The following DOCK10 variants were observed in gnomAD, a reference collection of about 807,000 sequenced individuals.
DOCK10 encodes dedicator of cytokinesis 10.
DOCK10 carries 145 observed loss-of-function variants against 280.1 expected under a neutral mutation model. The observed-to-expected ratio is 0.52, with a 90% confidence interval of 0.45 to 0.59. The LOEUF (loss-of-function observed/expected upper bound fraction) is 0.59, where lower values mean the gene tolerates loss of function less well. DOCK10 is among the 20% of genes least tolerant of loss of function. The pLI, the probability that DOCK10 is intolerant of heterozygous loss-of-function variation, is 0.00. For missense variants in DOCK10, 2,368 were observed against 2,651.7 expected (o/e 0.89, Z 2.35); for synonymous variants, 915 against 942.2 (o/e 0.97, Z 0.53).
intron 1 of DOCK10, among the ~76,000 whole-genome samples, chr2:225,033,112 C>A (rs1404943595): frequency 6.6e-6 from 1 of 152,084 alleles, no homozygotes; most frequent in Non-Finnish European, 1.5e-5. Context: ...AGGAGGTATG[C>A]TGAAATTGAA....
chr2:224,964,574 A>G (rs925642458), intron 1 of DOCK10, among the ~76,000 whole-genome samples: 1 of 151,688 alleles, frequency 6.6e-6, no homozygotes, highest in African/African-American at 2.4e-5. Context: ...GCATCATTAT[A>G]GCTCACTGCA....
chr2:225,035,646 C>G (rs1690239966), intron 1 of DOCK10, among the ~76,000 whole-genome samples: 2 of 122,058 alleles, frequency 1.6e-5, no homozygotes, highest in East Asian at 2.2e-4. Context: ...CCATAATAAC[C>G]AAAGAATCAG....
chr2:224,985,599 C>G (rs912295822), intron 1 of DOCK10, among the ~76,000 whole-genome samples: 7 of 144,620 alleles, frequency 4.8e-5, no homozygotes, highest in African/African-American at 7.7e-5. Flanking sequence ...AAAAGTAAGG[C>G]ATTTCAAGAG....
intron 27 of DOCK10, among the ~76,000 whole-genome samples, chr2:224,827,695 G>A (rs1559502409): frequency 6.6e-6 from 1 of 152,180 alleles, no homozygotes; most frequent in Admixed American, 6.5e-5. Context: ...AGAGAGATAC[G>A]AACCATTTTT....
chr2:224,913,339 A>T (rs181326166), intron 3 of DOCK10, among the ~76,000 whole-genome samples: 6 of 152,228 alleles, frequency 3.9e-5, no homozygotes, highest in Admixed American at 3.9e-4. Flanking sequence ...TTCCATGACT[A>T]CTAGTGAGGC....
In DOCK10 at chr2:224,819,428, C is replaced by G. The variant is rs753387101; in HGVS notation, c.3267+18G>C. On this transcript the variant is annotated intron_variant, in intron 29 of 55. Transcript: ENST00000258390. ...TGCCATAGTTTAGAAAACAATCACT[C>G]CTGTACGTGGTTCTTACCTTAAGGT... 2.0e-6 allele frequency: 3 copies of G among 1,531,174 alleles called. No individual in the cohort carries two copies. The South Asian group carries it at 3.5e-5, about 18-fold the overall frequency. The allele number at this position is 1,531,174 out of a possible 1,614,324, so 94.8% of individuals were successfully genotyped here.
chr2:225,016,784 C>T (rs1689618710), intron 1 of DOCK10, among the ~76,000 whole-genome samples: 1 of 151,356 alleles, frequency 6.6e-6, no homozygotes, highest in African/African-American at 2.4e-5. Flanking sequence ...CTCACTGCAA[C>T]CTCCGCCTCC....
chr2:224,932,351 C>A (rs1026594383), intron 1 of DOCK10, among the ~76,000 whole-genome samples: 2 of 152,098 alleles, frequency 1.3e-5, no homozygotes, highest in Non-Finnish European at 2.9e-5. Flanking sequence ...CTCAAAGAAG[C>A]CCCTCATAGT....
In DOCK10 at chr2:224,830,381, T is replaced by C. The variant is rs547503632; in HGVS notation, c.3036+160A>G. On this transcript the variant is annotated intron_variant, in intron 27 of 55. Coordinates refer to ENST00000258390, the MANE Select transcript of DOCK10 (RefSeq NM_014689.3). ...TCTGCTTCTGAAGGGCCTGTGCCGG[T>C]TGGTGTACACAATCATTTCTTCTAC... Among the ~76,000 whole-genome samples the C allele has an allele frequency of 3.3e-5, 5 of 152,360 alleles. No individual in the cohort carries two copies. In the South Asian group the frequency reaches 1.0e-3, roughly 32 times the overall value.
chr2:224,866,582 T>A (rs1697923394), intron 11 of DOCK10, among the ~76,000 whole-genome samples: 1 of 152,220 alleles, frequency 6.6e-6, no homozygotes, highest in Admixed American at 6.5e-5. Context: ...CATTGATAAC[T>A]TCCATTGCAG....
chr2:224,932,222 C>G (rs1445159559), intron 1 of DOCK10, among the ~76,000 whole-genome samples: 1 of 152,082 alleles, frequency 6.6e-6, no homozygotes, highest in Non-Finnish European at 1.5e-5. Context: ...AGGTCATTTT[C>G]TAATAGAACT....
At chr2:224,790,990 C>G (rs1018333215) in intron 47 of DOCK10, among the ~76,000 whole-genome samples, 14 of 152,102 alleles carry the variant, frequency 9.2e-5, no homozygotes, top group Admixed American at 9.2e-4. Flanking sequence ...AGATGATCAC[C>G]TTCCTAATTT....
At chr2:224,870,392 T>C (rs16866258) in intron 11 of DOCK10, among the ~76,000 whole-genome samples, 26,660 of 152,112 alleles carry the variant, frequency 0.18, 3,841 homozygotes, top group African/African-American at 0.4. Context: ...AAGGACTAAG[T>C]TTCTAGATTT....
At chr2:225,028,030 TTC>T (rs1689964036) in intron 1 of DOCK10, among the ~76,000 whole-genome samples, 1 of 152,156 alleles carries the variant, frequency 6.6e-6, no homozygotes, top group Admixed American at 6.5e-5. Flanking sequence ...TTAATGCACT[TTC>T]TGAGCATTTT....
In DOCK10 at chr2:224,849,384, AC is replaced by A. The variant is rs1574933566; in HGVS notation, c.2235+122del. 5 of 625,128 alleles carry A rather than the reference AC, an allele frequency of 8.0e-6. No homozygotes were observed. In the East Asian group the frequency reaches 1.4e-4, roughly 17 times the overall value. The allele number at this position is 625,128 out of a possible 1,614,324, so 38.7% of individuals were successfully genotyped here. ...AGTTTAGAAATATTGGTAAGTACAT[AC>A]CTGCCAAGGCATGTCCTTAGTCTGA... On this transcript the variant is annotated intron_variant, in intron 19 of 55. Transcript: ENST00000258390.
intron 1 of DOCK10, among the ~76,000 whole-genome samples, chr2:225,018,549 TATA>T (rs1689682641): frequency 1.1e-4 from 1 of 9,380 alleles, no homozygotes; most frequent in Admixed American, 1.3e-3. Flanking sequence ...ATTATATATA[TATA>T]ATATATATGT....
In DOCK10 at chr2:224,816,708, C is replaced by T; in HGVS notation, c.3273G>A (p.Leu1091=). Residue 1091 remains leucine, a synonymous_variant, in exon 30 of 56, where the codon TTG becomes TTA. Transcript: ENST00000258390. ...SMFSSGDLKT[L]CQYKFDFLQE... is the part of the protein sequence containing the mutation. ...GAAGAAAATCAAATTTATACTGGCA[C>T]AAGGTCTGAAAGAGAGGCAAACTAA... The T allele has an allele frequency of 6.3e-7, 1 of 1,587,610 alleles. No individual in the cohort carries two copies. The highest frequency in any genetic ancestry group is 8.6e-7 in the Non-Finnish European group (1 of 1,161,012).
chr2:224,958,583 A>G (rs944682666), intron 1 of DOCK10, among the ~76,000 whole-genome samples: 15 of 152,108 alleles, frequency 9.9e-5, no homozygotes, highest in African/African-American at 3.4e-4. Flanking sequence ...AAAGGTTCCA[A>G]TTATCCTATT....
chr2:224,925,332 T>C (rs866892778), intron 2 of DOCK10, among the ~76,000 whole-genome samples: 2 of 152,166 alleles, frequency 1.3e-5, no homozygotes, highest in African/African-American at 4.8e-5. Context: ...AGACATACTA[T>C]GAAAAGAACA....
Sources: allele counts gnomAD v4.1 joint callset (sites outside exome capture counted in the v4.1 genomes callset), GRCh38; gene constraint gnomAD v4.1.1; transcripts MANE v1.5; gene names NCBI Gene and HGNC (gene_info 2026-07-23, HGNC 2026-07-21).